The following NFATC2 variants were observed in gnomAD, a reference collection of about 807,000 sequenced individuals.
The protein encoded by NFATC2 is nuclear factor of activated T-cells, cytoplasmic 2.
A neutral mutation model predicts 87.3 loss-of-function variants in NFATC2; 22 were observed. The observed-to-expected ratio is 0.25, with a 90% CI of 0.18 to 0.36. The LOEUF is 0.36. Ranked by LOEUF, NFATC2 falls within the 10% of genes least tolerant of loss-of-function variation. The pLI, the probability that NFATC2 is intolerant of heterozygous loss-of-function variation, is 1.00. For synonymous variants in NFATC2, 565 were observed against 542.2 expected, an observed-to-expected ratio of 1.04 and a Z score of -0.58; for missense variants, 1,149 against 1,259.1, an observed-to-expected ratio of 0.91 and a Z score of 1.32.
intron 2 of NFATC2, among the ~76,000 whole-genome samples, chr20:51,519,118 C>A (rs1223094447): frequency 6.6e-6 from 1 of 152,088 alleles, no homozygotes; most frequent in African/African-American, 2.4e-5. Flanking sequence ...AACCAACGAG[C>A]CACACGTGTC....
intron 6 of NFATC2, among the ~76,000 whole-genome samples, chr20:51,450,324 A>G (rs1336340208): frequency 1.3e-5 from 2 of 152,212 alleles, no homozygotes; most frequent in Admixed American, 1.3e-4. Context: ...AGCATGTATC[A>G]ACTGAATGAT....
At chr20:51,428,037 TGG>T (rs1387368789) in intron 9 of NFATC2, among the ~76,000 whole-genome samples, 1 of 151,190 alleles carries the variant, frequency 6.6e-6, no homozygotes, top group Non-Finnish European at 1.5e-5. Flanking sequence ...AAAATACTAG[TGG>T]GTGAGAGGGA....
upstream of NFATC2, chr20:51,542,751 G>A (rs1342451138): frequency 1.6e-6 from 1 of 614,684 alleles, no homozygotes; most frequent in Non-Finnish European, 1.9e-6. Context: ...CGGGGAGGCG[G>A]GGGGGGGGGG....
At chr20:51,519,471 A>G (rs1178794016) in intron 2 of NFATC2, among the ~76,000 whole-genome samples, 1 of 151,846 alleles carries the variant, frequency 6.6e-6, no homozygotes, top group African/African-American at 2.4e-5. Flanking sequence ...AAAAAAAAAA[A>G]AAATTAGCCA....
Position 51,432,625 on chromosome 20 carries a change from C to T in NFATC2, c.2164G>A (p.Val722Met), listed in dbSNP as rs200734364. The T allele has an allele frequency of 3.3e-5, 51 of 1,531,458 alleles. No homozygotes were observed. The highest frequency in any genetic ancestry group is 3.8e-5 in the Non-Finnish European group (43 of 1,141,534). The allele number at this position is 1,531,458 out of a possible 1,614,324, so 94.9% of individuals were successfully genotyped here. Residue 722 changes from valine (V) to methionine (M), a missense_variant, in exon 9 of 11, where the codon GTG (valine) becomes ATG (methionine). By Grantham distance (21) the Val-to-Met change is conservative (BLOSUM62 1). Coordinates refer to ENST00000371564, the MANE Select transcript of NFATC2 (RefSeq NM_012340.5). This position sits in a 1 kb window ranked among gnomAD's most constrained non-coding sequence, Gnocchi z 4.6. ...TGCTGGCAGGGAGCCATGGTGGCCA[C>T]GAGGCAGGAGGGGGACTCGGCCACC... ...PMVAESPSCL[V>M]ATMAPCQQFR... is the part of the protein sequence containing the mutation.
At chr20:51,555,651 C>T (rs889659082) in intron 1 of NFATC2, among the ~76,000 whole-genome samples, 3 of 152,082 alleles carry the variant, frequency 2.0e-5, no homozygotes, top group Non-Finnish European at 2.9e-5. Context: ...CATCATGCTC[C>T]CCCTGCCCCT....
At chr20:51,551,600 AG>A (rs2076933190) in intron 1 of NFATC2, among the ~76,000 whole-genome samples, 2 of 149,928 alleles carry the variant, frequency 1.3e-5, no homozygotes, top group Admixed American at 1.3e-4. Context: ...TGGAGAGACA[AG>A]GTCTCACTAT....
At chr20:51,391,837 T>G (rs1986390640) in intron 10 of NFATC2, among the ~76,000 whole-genome samples, 1 of 152,172 alleles carries the variant, frequency 6.6e-6, no homozygotes, top group African/African-American at 2.4e-5. Context: ...AAATACTTTT[T>G]TTGTTGTTGT....
chr20:51,521,988 T>G (rs1697096221), intron 2 of NFATC2, among the ~76,000 whole-genome samples: 1 of 152,166 alleles, frequency 6.6e-6, no homozygotes, highest in South Asian at 2.1e-4. Context: ...CTACTTTGAG[T>G]CCATGTGGTG....
At chr20:51,453,989 A>G (rs1986109655) in intron 6 of NFATC2, among the ~76,000 whole-genome samples, 1 of 152,256 alleles carries the variant, frequency 6.6e-6, no homozygotes, top group South Asian at 2.1e-4. Context: ...TCACTGCAGA[A>G]CTACTTATAA....
At chr20:51,505,887 A>G (rs1449887836) in intron 3 of NFATC2, among the ~76,000 whole-genome samples, 1 of 152,218 alleles carries the variant, frequency 6.6e-6, no homozygotes, top group Non-Finnish European at 1.5e-5. Context: ...AAGCCTCCAC[A>G]TGAGAACAAA....
At chr20:51,410,910 ACAGAGCAGGAACCT>A (rs1979130524) in intron 9 of NFATC2, among the ~76,000 whole-genome samples, 2 of 152,134 alleles carry the variant, frequency 1.3e-5, no homozygotes. Context: ...TGTATGAACC[ACAGAGCAGGAACCT>A]CACTCCATTC....
chr20:51,428,845 G>T (rs1600711920), intron 9 of NFATC2, among the ~76,000 whole-genome samples: 1 of 152,252 alleles, frequency 6.6e-6, no homozygotes, highest in Non-Finnish European at 1.5e-5. Flanking sequence ...AAAATCCCAA[G>T]GGAAATAAAT....
intron 3 of NFATC2, among the ~76,000 whole-genome samples, chr20:51,489,869 GGA>G (rs1411179798): frequency 6.6e-6 from 1 of 152,238 alleles, no homozygotes; most frequent in African/African-American, 2.4e-5. Context: ...ATTCCCAAGA[GGA>G]GAGGTGAAGT....
intron 6 of NFATC2, among the ~76,000 whole-genome samples, chr20:51,450,283 A>C (rs1193531250): frequency 6.6e-6 from 1 of 152,202 alleles, no homozygotes; most frequent in East Asian, 1.9e-4. Context: ...AGCCCCCCAG[A>C]TCTCTCCCAG....
intron 5 of NFATC2, among the ~76,000 whole-genome samples, chr20:51,473,401 G>T (rs1988420756): frequency 6.6e-6 from 1 of 152,208 alleles, no homozygotes; most frequent in African/African-American, 2.4e-5. Flanking sequence ...AAAAGCCCCA[G>T]TTCCAATCCC....
rs1018994155 is a variant in NFATC2, at chr20:51,389,384, C to T, written c.*2112G>A. ...AGCTCCTAGCCAGTCCTAGCCAGGT[C>T]GAGTGAGAACAAATCACTCACCACA... is the stretch of plus-strand genomic sequence containing the variant. On this transcript the variant is annotated 3_prime_UTR_variant, in exon 11 of 11. Transcript: ENST00000371564. The T allele has an allele frequency of 6.6e-6, 1 of 152,184 alleles. No homozygotes were observed. Among genetic ancestry groups the T allele is most frequent in the Admixed American group, 6.5e-5 (1 of 15,280 alleles). The allele number at this position is 152,184 out of a possible 1,614,324, so 9.4% of individuals were successfully genotyped here.
rs1341722096 is a variant in NFATC2, at chr20:51,435,177, A to T, written c.2032+11T>A. 3.1e-6 allele frequency: 5 copies of T among 1,613,692 alleles called. No individual in the cohort carries two copies. Among genetic ancestry groups the T allele is most frequent in the Non-Finnish European group, 4.2e-6 (5 of 1,179,832 alleles). ...CTCAATAACAAAGGGGTCATCAGAAACACTCCTTACCTGGGTGGTAGGTAA... is the reference window on the plus strand; with the variant it reads ...CTCAATAACAAAGGGGTCATCAGAATCACTCCTTACCTGGGTGGTAGGTAA... On this transcript the variant is annotated intron_variant, in intron 8 of 10. Transcript: ENST00000371564.
Position 51,389,348 on chromosome 20 carries a change from G to A in NFATC2, c.*2148C>T, listed in dbSNP as rs540884670. 7 of 152,274 alleles carry A rather than the reference G, an allele frequency of 4.6e-5. No homozygotes were observed. Among genetic ancestry groups the A allele is most frequent in the Non-Finnish European group, 8.8e-5 (6 of 68,006 alleles). The allele number at this position is 152,274 out of a possible 1,614,324, so 9.4% of individuals were successfully genotyped here. On this transcript the variant is annotated 3_prime_UTR_variant, in exon 11 of 11. Coordinates refer to ENST00000371564, the MANE Select transcript of NFATC2 (RefSeq NM_012340.5). ...CTGAGGAAAGCCCAAATTCCCTCAT[G>A]TACAAAAAACAGCTCCTAGCCAGTC... is the stretch of plus-strand genomic sequence containing the variant.
Sources: gnomAD v4.1 joint callset for allele counts (sites outside exome capture counted in the v4.1 genomes callset) on GRCh38, gnomAD v4.1.1 for gene constraint, Gnocchi (gnomAD v3.1) non-coding constraint, MANE v1.5 for transcripts, NCBI Gene and HGNC (gene_info 2026-07-23, HGNC 2026-07-21) for gene names.